Variants in ZNF804B observed in about 807,000 individuals in gnomAD.
ZNF804B encodes zinc finger protein 804B.
ZNF804B carries 80 observed loss-of-function variants against 101.4 expected under a neutral mutation model. That is an observed-to-expected ratio of 0.79 (90% confidence interval 0.66 to 0.95). The LOEUF (loss-of-function observed/expected upper bound fraction) is 0.95, where lower values mean the gene tolerates loss of function less well. Ranked by LOEUF, ZNF804B falls within the 40% of genes least tolerant of loss-of-function variation. The pLI is 0.00. For missense variants in ZNF804B, 1,673 were observed against 1,561.9 expected, an observed-to-expected ratio of 1.07 and a Z score of -1.20; for synonymous variants, 622 against 558.8, an observed-to-expected ratio of 1.11 and a Z score of -1.59.
rs746195627 is a variant in ZNF804B at position 89,022,550 on chromosome 7, T to C, written c.109-195605T>C. 7.9e-5 allele frequency among the ~76,000 whole-genome samples: 12 copies of C among 152,196 alleles called. 1 individual carries two copies. The highest frequency in any genetic ancestry group is 1.6e-4 in the Non-Finnish European group (11 of 68,048). ...AAAATGTGATTTAAGTATGTCAGTG[T>C]GGTTTTGCTCTGAAGGATTACTAAA... On this transcript the variant is annotated intron_variant, in intron 1 of 3. Transcript: ENST00000333190.
intron 1 of ZNF804B, among the ~76,000 whole-genome samples, chr7:88,995,475 G>A (rs1788174764): frequency 6.6e-6 from 1 of 151,928 alleles, no homozygotes; most frequent in African/African-American, 2.4e-5. Flanking sequence ...TATCATAAAA[G>A]TATGCATCTG....
At chr7:89,009,095 C>T (rs1008418406) in intron 1 of ZNF804B, among the ~76,000 whole-genome samples, 2 of 152,266 alleles carry the variant, frequency 1.3e-5, no homozygotes, top group East Asian at 1.9e-4. Flanking sequence ...ATTTGCTTGA[C>T]ATGTGACTAA....
chr7:89,055,014 A>G (rs1299301449), intron 1 of ZNF804B, among the ~76,000 whole-genome samples: 1 of 152,136 alleles, frequency 6.6e-6, no homozygotes, highest in East Asian at 1.9e-4. Context: ...AAATACCAAA[A>G]TTTAAGATAG....
intron 1 of ZNF804B, among the ~76,000 whole-genome samples, chr7:88,961,672 T>C (rs186814028): frequency 2.3e-3 from 351 of 151,490 alleles, no homozygotes; most frequent in African/African-American, 8.1e-3. Flanking sequence ...CTCATGGGCA[T>C]GAGGTAAAAA....
chr7:89,166,999 A>T (rs1240873729), intron 1 of ZNF804B, among the ~76,000 whole-genome samples: 2 of 152,086 alleles, frequency 1.3e-5, no homozygotes, highest in Non-Finnish European at 2.9e-5. Context: ...ATAAATTTTA[A>T]CTTTTTATAA....
intron 1 of ZNF804B, among the ~76,000 whole-genome samples, chr7:89,046,070 C>T (rs774121945): frequency 3.9e-5 from 6 of 151,998 alleles, no homozygotes; most frequent in African/African-American, 7.3e-5. Context: ...ATGCTATTCC[C>T]GTGATAAGTG....
chr7:89,263,592 T>G (rs1311418117), intron 2 of ZNF804B, among the ~76,000 whole-genome samples: 2 of 102,846 alleles, frequency 1.9e-5, no homozygotes, highest in East Asian at 4.1e-4. Context: ...AATGTGACCT[T>G]TTTTTTTTTT....
At chr7:88,964,098 C>T (rs907964555) in intron 1 of ZNF804B, among the ~76,000 whole-genome samples, 1 of 151,310 alleles carries the variant, frequency 6.6e-6, no homozygotes, top group Non-Finnish European at 1.5e-5. Flanking sequence ...CAAAATGGTG[C>T]AGCTGCTGTG....
At position 89,335,738 on chromosome 7, in the gene ZNF804B, A is replaced by G; in HGVS notation, c.2756A>G (p.Glu919Gly). ...ACAGAATCAAACACTGCAGAAGGAG[A>G]GAGGACCCCTCTAACAGCAAAAATC... ...ETTESNTAEGERTPLTAKILL... is the reference protein window; with the variant it reads ...ETTESNTAEGGRTPLTAKILL... The change falls in exon 4 of 4, where the codon GAG (glutamate) becomes GGG (glycine). Residue 919 changes from glutamate (E) to glycine (G), a missense_variant. Transcript: ENST00000333190. 5 of 1,614,046 alleles carry G rather than the reference A, an allele frequency of 3.1e-6. No individual in the cohort carries two copies. The highest frequency in any genetic ancestry group is 4.2e-6 in the Non-Finnish European group (5 of 1,179,970).
chr7:89,271,757 G>T (rs998878456), intron 2 of ZNF804B, among the ~76,000 whole-genome samples: 1 of 152,068 alleles, frequency 6.6e-6, no homozygotes, highest in Admixed American at 6.6e-5. Context: ...GCCTGTTACT[G>T]GTCTATTCAG....
At chr7:88,810,265 A>T (rs369393588) in intron 1 of ZNF804B, among the ~76,000 whole-genome samples, 1 of 151,970 alleles carries the variant, frequency 6.6e-6, no homozygotes, top group South Asian at 2.1e-4. Flanking sequence ...TTTACCACTT[A>T]GTAACATGTT....
chr7:89,181,315 G>A lies in ZNF804B; in HGVS notation c.109-36840G>A, dbSNP rs538696858. Reference sequence around the variant, plus strand: ...TTAGACATTCTTTCAAATTTACGTAGGACCCCAGCGCACTTTAGCCCATGT... The same window carrying A: ...TTAGACATTCTTTCAAATTTACGTAAGACCCCAGCGCACTTTAGCCCATGT... On this transcript the variant is annotated intron_variant, in intron 1 of 3. Coordinates refer to ENST00000333190, the MANE Select transcript of ZNF804B (RefSeq NM_181646.5). 8.5e-5 allele frequency among the ~76,000 whole-genome samples: 13 copies of A among 152,252 alleles called. No homozygotes were observed. The East Asian group carries it at 2.5e-3, about 29-fold the overall frequency.
intron 2 of ZNF804B, among the ~76,000 whole-genome samples, chr7:89,289,638 G>A (rs1355999193): frequency 6.6e-6 from 1 of 151,956 alleles, no homozygotes; most frequent in Non-Finnish European, 1.5e-5. Context: ...CTCAGCTGGT[G>A]CCCATTCATG....
rs974450121 is a variant in ZNF804B at position 89,337,868 on chromosome 7, A to T, written c.*836A>T. Reference sequence around the variant, plus strand: ...AACAGGAACTAAAATATTGTTTATTATTCTTCTACTCAAAAATTTTACTAC... The same window carrying T: ...AACAGGAACTAAAATATTGTTTATTTTTCTTCTACTCAAAAATTTTACTAC... On this transcript the variant is annotated 3_prime_UTR_variant, in exon 4 of 4. Transcript: ENST00000333190. 2.0e-5 allele frequency among the ~76,000 whole-genome samples: 3 copies of T among 152,096 alleles called. No homozygotes were observed. The highest frequency in any genetic ancestry group is 7.2e-5 in the African/African-American group (3 of 41,456).
chr7:88,811,364 C>T (rs1013411325), intron 1 of ZNF804B, among the ~76,000 whole-genome samples: 4 of 152,090 alleles, frequency 2.6e-5, no homozygotes, highest in African/African-American at 7.2e-5. Flanking sequence ...ACAGATGGTG[C>T]GGAGAGATAC....
Position 89,335,869 on chromosome 7 carries a change from T to C in ZNF804B, c.2887T>C (p.Cys963Arg). The change falls in exon 4 of 4, where the codon TGC becomes CGC. Residue 963 changes from cysteine (C) to arginine (R), a missense_variant. Coordinates refer to ENST00000333190, the MANE Select transcript of ZNF804B (RefSeq NM_181646.5). ...ATTAGAGGCTCCTTCGCAAGTCCCA[T>C]GCACAATTCAACTTGCACCATCAGG... Reference protein sequence around the residue: ...SELEAPSQVPCTIQLAPSGCN... With the variant: ...SELEAPSQVPRTIQLAPSGCN... 1 of 1,614,104 alleles carries C rather than the reference T, an allele frequency of 6.2e-7. No individual in the cohort carries two copies. Among genetic ancestry groups the C allele is most frequent in the South Asian group, 1.1e-5 (1 of 91,086 alleles).
intron 1 of ZNF804B, among the ~76,000 whole-genome samples, chr7:89,003,156 T>A (rs1179526624): frequency 6.6e-6 from 1 of 151,898 alleles, no homozygotes; most frequent in African/African-American, 2.4e-5. Flanking sequence ...TGGGAAGGTT[T>A]TCTGAGACTA....
At chr7:89,135,133 G>T (rs1468016358) in intron 1 of ZNF804B, among the ~76,000 whole-genome samples, 1 of 152,088 alleles carries the variant, frequency 6.6e-6, no homozygotes, top group Admixed American at 6.6e-5. Context: ...CCAAGCTCAA[G>T]CATCCATCAC....
chr7:89,307,949 G>T (rs1345482651), intron 2 of ZNF804B, among the ~76,000 whole-genome samples: 1 of 151,950 alleles, frequency 6.6e-6, no homozygotes, highest in Non-Finnish European at 1.5e-5. Context: ...AGATTCCCAG[G>T]TTCTTGCAAT....
Sources: allele counts gnomAD v4.1 joint callset (sites outside exome capture counted in the v4.1 genomes callset), GRCh38; gene constraint gnomAD v4.1.1; transcripts MANE v1.5; gene names NCBI Gene and HGNC (gene_info 2026-07-23, HGNC 2026-07-21).